Variants in PNMA6F observed in about 807,000 individuals in gnomAD.
PNMA6F encodes the protein PNMA family member 6F.
For missense variants in PNMA6F, 57 were observed against 10.8 expected, an observed-to-expected ratio of 5.25 and a Z score of -5.98; for synonymous variants, 14 against 3.4, an observed-to-expected ratio of 4.15 and a Z score of -3.45.
In PNMA6F at chrX:153,320,339, T is replaced by C. The variant is rs1011460603; in HGVS notation, c.336A>G (p.Ala112=). The stretch of plus-strand genomic sequence containing the variant: ...CTGCTTCACCTGCACCTCTGGCCAC[T>C]GCTTGCCCCTGGGGCTGTGCAGGGA... ...PSFPAQPQGQ[A]VARGAGEAGA... The change falls in exon 2 of 2, where the codon GCA becomes GCG. Residue 112 remains alanine (A), a synonymous_variant. Transcript: ENST00000436629. 1 of 312,491 alleles carries C rather than the reference T, an allele frequency of 3.2e-6. No individual in the cohort carries two copies. Among genetic ancestry groups the C allele is most frequent in the Non-Finnish European group, 5.6e-6 (1 of 180,168 alleles). The allele number at this position is 312,491 out of a possible 1,213,427, so 25.8% of individuals were successfully genotyped here. A position where few individuals can be genotyped will look rare whatever the true frequency, so the allele number is the denominator to read the frequency against.
chrX:153,318,604 G>T lies in PNMA6F; in HGVS notation c.*334C>A, dbSNP rs2051972827. On this transcript the variant is annotated 3_prime_UTR_variant, in exon 2 of 2. Coordinates refer to ENST00000436629, the MANE Select transcript of PNMA6F (RefSeq NM_001354980.2). ...CGGAACGGGGGGCAGTCTGCCCCAG[G>T]GATGGCAAGTGGGGGCCACCTCTTG... is the stretch of plus-strand genomic sequence containing the variant. 6.1e-6 allele frequency: 1 copy of T among 164,450 alleles called. No individual in the cohort carries two copies. The highest frequency in any genetic ancestry group is 1.2e-5 in the Non-Finnish European group (1 of 86,420). The allele number at this position is 164,450 out of a possible 1,213,427, so 13.6% of individuals were successfully genotyped here.
rs1049622014 is a variant in PNMA6F at position 153,319,346 on chromosome X, T to C, written c.1329A>G (p.Pro443=). 1.7e-5 allele frequency: 5 copies of C among 296,829 alleles called. No homozygotes were observed. Among genetic ancestry groups the C allele is most frequent in the African/African-American group, 2.7e-5 (1 of 36,756 alleles). 24.5% of individuals were successfully genotyped at this position (296,829 alleles called of 1,213,427 possible). The change falls in exon 2 of 2, where the codon CCA becomes CCG. Residue 443 remains proline, a synonymous_variant. Coordinates refer to ENST00000436629, the MANE Select transcript of PNMA6F (RefSeq NM_001354980.2). ...CAGCAGCTGGGTCTTCACTCTCCACTGGGGCCGCTGCCCAGGCCACACCCT... is the reference window on the plus strand; with the variant it reads ...CAGCAGCTGGGTCTTCACTCTCCACCGGGGCCGCTGCCCAGGCCACACCCT... ...SQQGVAWAAA[P]VESEDPAAAQ... is the part of the protein sequence containing the mutation.
rs914755944 is a variant in PNMA6F, at chrX:153,321,698, G to A, written c.-230C>T. Reference sequence around the variant, plus strand: ...CACGCGGCCGCGCTGCGCAGCGCAGGGGTCTCCAAAGCCCGCTGTGCTAAG... The same window carrying A: ...CACGCGGCCGCGCTGCGCAGCGCAGAGGTCTCCAAAGCCCGCTGTGCTAAG... On this transcript the variant is annotated 5_prime_UTR_variant, in exon 1 of 2. Transcript: ENST00000436629. 11 of 108,993 alleles carry A rather than the reference G, an allele frequency of 1.0e-4. No homozygotes were observed. Among genetic ancestry groups the A allele is most frequent in the African/African-American group, 3.7e-4 (11 of 29,784 alleles). 9.0% of individuals were successfully genotyped at this position (108,993 alleles called of 1,213,427 possible).
Position 153,320,631 on chromosome X carries a change from C to T in PNMA6F, c.44G>A (p.Arg15His), listed in dbSNP as rs372002103. ...AGGGATATCCAGGATGAGCAGAGAG[C>T]GCTCTGCGTTCACACCCATCCTCCT... ...WCRRMGVNAE[R>H]SLLILDIPDD... Residue 15 changes from arginine (R) to histidine (H), a missense_variant, in exon 2 of 2, where the codon CGC becomes CAC. Physicochemically the swap from Arg to His is conservative, Grantham distance 29 (BLOSUM62 0). Transcript: ENST00000436629. The T allele has an allele frequency of 3.4e-5, 10 of 295,803 alleles. No homozygotes were observed. The highest frequency in any genetic ancestry group is 1.4e-4 in the East Asian group (3 of 20,979). The allele number at this position is 295,803 out of a possible 1,213,427, so 24.4% of individuals were successfully genotyped here.
At position 153,319,521 on chromosome X, in the gene PNMA6F, C is replaced by T. The variant is rs922595956; in HGVS notation, c.1154G>A (p.Arg385Gln). Reference sequence around the variant, plus strand: ...GGGGCGGGCCCGAGACAGCACCTGCCGCAGTCGCAGGTGGTTGGCCATGGC... The same window carrying T: ...GGGGCGGGCCCGAGACAGCACCTGCTGCAGTCGCAGGTGGTTGGCCATGGC... ...HPAMANHLRL[R>Q]QVLSRARPSE... The change falls in exon 2 of 2, where the codon CGG becomes CAG. Residue 385 changes from arginine (R) to glutamine (Q), a missense_variant. Arg to Gln is a conservative substitution (Grantham distance 43). Transcript: ENST00000436629. 3 of 297,199 alleles carry T rather than the reference C, an allele frequency of 1.0e-5. No homozygotes were observed. Among genetic ancestry groups the T allele is most frequent in the South Asian group, 4.0e-4 (2 of 4,947 alleles). 24.5% of individuals were successfully genotyped at this position (297,199 alleles called of 1,213,427 possible).
chrX:153,320,275 CTCCTGCCTCACCTACAGA>C lies in PNMA6F; in HGVS notation c.382_399del (p.Ser128_Gly133del), dbSNP rs1386331831. On this transcript the variant is annotated inframe_deletion, in exon 2 of 2. Coordinates refer to ENST00000436629, the MANE Select transcript of PNMA6F (RefSeq NM_001354980.2). ...CCTGCAGATCTTTCCTCATTCACAC[CTCCTGCCTCACCTACAGA>C]TCCTGCCTCACCTGCAGCTCCTGCT... The C allele has an allele frequency of 6.1e-6, 2 of 326,072 alleles. No homozygotes were observed. Among genetic ancestry groups the C allele is most frequent in the East Asian group, 4.7e-5 (1 of 21,438 alleles). 26.9% of individuals were successfully genotyped at this position (326,072 alleles called of 1,213,427 possible). A position where few individuals can be genotyped will look rare whatever the true frequency, so the allele number is the denominator to read the frequency against.
rs1271395910 is a variant in PNMA6F, at chrX:153,319,415, G to T, written c.1260C>A (p.Ile420=). 3 of 297,124 alleles carry T rather than the reference G, an allele frequency of 1.0e-5. No individual in the cohort carries two copies. The highest frequency in any genetic ancestry group is 8.2e-5 in the African/African-American group (3 of 36,778). 24.5% of individuals were successfully genotyped at this position (297,124 alleles called of 1,213,427 possible). A position where few individuals can be genotyped will look rare whatever the true frequency, so the allele number is the denominator to read the frequency against. ...AGGCTGCCCACGCCTCCATGTCCCG[G>T]ATGAGCCGCAGCAGCCTCAGGAAGT... The part of the protein sequence containing the change: ...PPDFLRLLRL[I]RDMEAWAASL... The change falls in exon 2 of 2, where the codon ATC becomes ATA. Residue 420 remains isoleucine, a synonymous_variant. Transcript: ENST00000436629.
intron 1 of PNMA6F, chrX:153,321,040 A>C: frequency 9.3e-6 from 1 of 107,961 alleles, no homozygotes; most frequent in East Asian, 3.0e-4. Context: ...GTAACATTGC[A>C]GCCAGGAGTC....
rs1006970056 is a variant in PNMA6F at position 153,320,239 on chromosome X, C to T, written c.436G>A (p.Ala146Thr). Residue 146 changes from alanine (A) to threonine (T), a missense_variant, in exon 2 of 2, where the codon GCA becomes ACA. Coordinates refer to ENST00000436629, the MANE Select transcript of PNMA6F (RefSeq NM_001354980.2). ...CCTCCTGCCTCACCTATACCTCCTG[C>T]CTCATCTTCACCTGCAGATCTTTCC... ...NEERSAGEDEAGGIGEAGGVG... is the reference protein window; with the variant it reads ...NEERSAGEDETGGIGEAGGVG... 3.6e-5 allele frequency: 12 copies of T among 329,493 alleles called. No homozygotes were observed. The highest frequency in any genetic ancestry group is 1.6e-4 in the African/African-American group (6 of 36,580). The allele number at this position is 329,493 out of a possible 1,213,427, so 27.2% of individuals were successfully genotyped here. A position where few individuals can be genotyped will look rare whatever the true frequency, so the allele number is the denominator to read the frequency against.
intron 1 of PNMA6F, 62 bp from the exon 2 acceptor site, chrX:153,320,819 G>A (rs1368485155): frequency 6.6e-5 from 19 of 286,943 alleles, no homozygotes; most frequent in Non-Finnish European, 1.1e-4. Flanking sequence ...CCCACTACAG[G>A]CCTTTGCCCT....
Position 153,320,917 on chromosome X carries a change from CACTT to C in PNMA6F, c.-83-164_-83-161del, listed in dbSNP as rs1272931706. On this transcript the variant is annotated intron_variant, in intron 1 of 1. Coordinates refer to ENST00000436629, the MANE Select transcript of PNMA6F (RefSeq NM_001354980.2). The stretch of plus-strand genomic sequence containing the variant: ...CCCAAAGCCCTCCCCCAGTTGGTGA[CACTT>C]AATCCCTTGGCACACACCCACCACC... 1.2e-4 allele frequency among the ~76,000 whole-genome samples: 13 copies of C among 106,397 alleles called. 1 individual carries two copies. Among genetic ancestry groups the C allele is most frequent in the Non-Finnish European group, 1.4e-4 (7 of 51,502 alleles). 92.4% of individuals were successfully genotyped at this position (106,397 alleles called of 115,157 possible). A position where few individuals can be genotyped will look rare whatever the true frequency, so the allele number is the denominator to read the frequency against.
chrX:153,320,049 G>A lies in PNMA6F; in HGVS notation c.626C>T (p.Ala209Val). Residue 209 changes from alanine (A) to valine (V), a missense_variant, in exon 2 of 2, where the codon GCA (alanine) becomes GTA (valine). Transcript: ENST00000436629. ...EEGGAGEAGGAGEEGGEDEAG... is the reference protein window; with the variant it reads ...EEGGAGEAGGVGEEGGEDEAG... ...CTCATCTTCACCTCCTTCCTCACCTGCGCCTCCTGCCTCACCTGCACCTCC... is the reference window on the plus strand; with the variant it reads ...CTCATCTTCACCTCCTTCCTCACCTACGCCTCCTGCCTCACCTGCACCTCC... 2.8e-6 allele frequency: 1 copy of A among 352,592 alleles called. No homozygotes were observed. Among genetic ancestry groups the A allele is most frequent in the Admixed American group, 5.3e-5 (1 of 19,046 alleles). The allele number at this position is 352,592 out of a possible 1,213,427, so 29.1% of individuals were successfully genotyped here.
Position 153,318,598 on chromosome X carries a change from C to T in PNMA6F, c.*340G>A. 6.3e-6 allele frequency: 1 copy of T among 159,953 alleles called. No individual in the cohort carries two copies. 13.2% of individuals were successfully genotyped at this position (159,953 alleles called of 1,213,427 possible). ...GCTTCCCGGAACGGGGGGCAGTCTG[C>T]CCCAGGGATGGCAAGTGGGGGCCAC... On this transcript the variant is annotated 3_prime_UTR_variant, in exon 2 of 2. Transcript: ENST00000436629.
At position 153,320,094 on chromosome X, in the gene PNMA6F, T is replaced by C; in HGVS notation, c.581A>G (p.Glu194Gly). 3.0e-6 allele frequency: 1 copy of C among 328,324 alleles called. No individual in the cohort carries two copies. The highest frequency in any genetic ancestry group is 5.1e-6 in the Non-Finnish European group (1 of 197,003). 27.1% of individuals were successfully genotyped at this position (328,324 alleles called of 1,213,427 possible). A position where few individuals can be genotyped will look rare whatever the true frequency, so the allele number is the denominator to read the frequency against. ...GAGEAGGAGE[E>G]GGTGEEGGAG... ...ACCTCCTTCCTCACCTGTACCTCCTTCCTCACCTGCACCTCCTGCCTCACC... is the reference window on the plus strand; with the variant it reads ...ACCTCCTTCCTCACCTGTACCTCCTCCCTCACCTGCACCTCCTGCCTCACC... Residue 194 changes from glutamate (E) to glycine (G), a missense_variant, in exon 2 of 2, where the codon GAA (glutamate) becomes GGA (glycine). Coordinates refer to ENST00000436629, the MANE Select transcript of PNMA6F (RefSeq NM_001354980.2).
rs1423689117 is a variant in PNMA6F at position 153,319,570 on chromosome X, C to T, written c.1105G>A (p.Val369Met). 4 of 297,310 alleles carry T rather than the reference C, an allele frequency of 1.3e-5. No individual in the cohort carries two copies. Among genetic ancestry groups the T allele is most frequent in the Admixed American group, 1.2e-4 (2 of 16,540 alleles). The allele number at this position is 297,310 out of a possible 1,213,427, so 24.5% of individuals were successfully genotyped here. The change falls in exon 2 of 2, where the codon GTG becomes ATG. Residue 369 changes from valine (V) to methionine (M), a missense_variant. Physicochemically the swap from Val to Met is conservative, Grantham distance 21. Coordinates refer to ENST00000436629, the MANE Select transcript of PNMA6F (RefSeq NM_001354980.2). The stretch of plus-strand genomic sequence containing the variant: ...GCTGGGTGGACCGCCCCCTTCTCCA[C>T]GGCCTTCTGCAGCAGGCCTTCCAGG... ...VRLEGLLQKA[V>M]EKGAVHPAMA...
rs905204925 is a variant in PNMA6F, at chrX:153,318,663, C to T, written c.*275G>A. 8.6e-6 allele frequency: 2 copies of T among 231,493 alleles called. No homozygotes were observed. The highest frequency in any genetic ancestry group is 1.6e-5 in the Non-Finnish European group (2 of 128,990). 19.1% of individuals were successfully genotyped at this position (231,493 alleles called of 1,213,427 possible). A position where few individuals can be genotyped will look rare whatever the true frequency, so the allele number is the denominator to read the frequency against. Reference sequence around the variant, plus strand: ...AGGCAGCTGTCACCCTTGAGAGGGCCTCTTTCCCCCATCTCTCCCAACACA... The same window carrying T: ...AGGCAGCTGTCACCCTTGAGAGGGCTTCTTTCCCCCATCTCTCCCAACACA... On this transcript the variant is annotated 3_prime_UTR_variant, in exon 2 of 2. Transcript: ENST00000436629.
At position 153,319,984 on chromosome X, in the gene PNMA6F, C is replaced by T. The variant is rs115164364; in HGVS notation, c.691G>A (p.Glu231Lys). The change falls in exon 2 of 2, where the codon GAG becomes AAG. Residue 231 changes from glutamate (E) to lysine (K), a missense_variant. Glu to Lys is a moderately conservative substitution (Grantham distance 56). Coordinates refer to ENST00000436629, the MANE Select transcript of PNMA6F (RefSeq NM_001354980.2). ...AGEAVGAGVV[E>K]AWTQSWRQTL... ...TGGCGCCATGACTGGGTCCAGGCCT[C>T]CACCACACCTGCACCTACTGCCTCA... is the stretch of plus-strand genomic sequence containing the variant. The T allele has an allele frequency of 3.0e-3, 973 of 329,405 alleles. 12 individuals carry two copies. Among genetic ancestry groups the T allele is most frequent in the African/African-American group, 0.024 (888 of 37,025 alleles). 27.1% of individuals were successfully genotyped at this position (329,405 alleles called of 1,213,427 possible).
chrX:153,320,313 C>T lies in PNMA6F; in HGVS notation c.362G>A (p.Gly121Glu), dbSNP rs1161034450. The T allele has an allele frequency of 3.2e-6, 1 of 310,382 alleles. No individual in the cohort carries two copies. Among genetic ancestry groups the T allele is most frequent in the African/African-American group, 2.7e-5 (1 of 36,945 alleles). 25.6% of individuals were successfully genotyped at this position (310,382 alleles called of 1,213,427 possible). ...TACAGATCCTGCCTCACCTGCAGCT[C>T]CTGCTTCACCTGCACCTCTGGCCAC... ...QAVARGAGEA[G>E]AAGEAGSVGE... is the part of the protein sequence containing the mutation. Residue 121 changes from glycine to glutamate, a missense_variant, in exon 2 of 2, where the codon GGA (glycine) becomes GAA (glutamate). Gly to Glu is a moderately conservative substitution (Grantham distance 98, BLOSUM62 -2). Transcript: ENST00000436629.
In PNMA6F at chrX:153,319,721, A is replaced by G. The variant is rs1235567679; in HGVS notation, c.954T>C (p.Ser318=). Residue 318 remains serine, a synonymous_variant, in exon 2 of 2, where the codon TCT becomes TCC. Transcript: ENST00000436629. The part of the protein sequence containing the change: ...SGLLEEDPDF[S]AQDCLTALGQ... ...CCAGCGCCGTCAGGCAGTCCTGCGC[A>G]GAGAAGTCTGGATCTTCCTCCAGGA... The G allele has an allele frequency of 6.7e-6, 2 of 298,028 alleles. No individual in the cohort carries two copies. Among genetic ancestry groups the G allele is most frequent in the East Asian group, 4.8e-5 (1 of 21,014 alleles). The allele number at this position is 298,028 out of a possible 1,213,427, so 24.6% of individuals were successfully genotyped here.
Sources: gnomAD v4.1 joint callset for allele counts (sites outside exome capture counted in the v4.1 genomes callset) on GRCh38, gnomAD v4.1.1 for gene constraint, MANE v1.5 for transcripts, NCBI Gene and HGNC (gene_info 2026-07-23, HGNC 2026-07-21) for gene names.